Variants in REEP1 observed in about 807,000 individuals in gnomAD.
REEP1 encodes receptor accessory protein 1.
A neutral mutation model predicts 40.3 loss-of-function variants in REEP1; 22 were observed. The ratio of observed to expected loss-of-function variants is 0.55; its 90% CI spans 0.39 to 0.78. The LOEUF is 0.78. REEP1 is among the 30% of genes least tolerant of loss of function. REEP1 has a pLI of 0.00. For missense variants in REEP1, 280 were observed against 361.1 expected (o/e 0.78, Z 1.82); for synonymous variants, 116 against 139.2 (o/e 0.83, Z 1.17).
chr2:86,315,221 C>G (rs1283912402), intron 1 of REEP1, among the ~76,000 whole-genome samples: 1 of 152,190 alleles, frequency 6.6e-6, no homozygotes, highest in Non-Finnish European at 1.5e-5. Context: ...GCTCCAAGGA[C>G]CCTGGGAAGC....
At chr2:86,324,748 C>G (rs1680425243) in intron 1 of REEP1, among the ~76,000 whole-genome samples, 1 of 152,114 alleles carries the variant, frequency 6.6e-6, no homozygotes, top group Admixed American at 6.5e-5. Context: ...GTAGAAGATG[C>G]AACTGTCCTC....
At chr2:86,305,523 TGA>T (rs1679442337) in intron 1 of REEP1, among the ~76,000 whole-genome samples, 1 of 152,176 alleles carries the variant, frequency 6.6e-6, no homozygotes, top group Non-Finnish European at 1.5e-5. Flanking sequence ...CTCTCAAACT[TGA>T]GAGGCATGAA....
chr2:86,251,776 G>A, intron 5 of REEP1, 181 bp downstream of exon 5: 1 of 668,106 alleles, frequency 1.5e-6, no homozygotes, highest in Admixed American at 2.2e-5. Flanking sequence ...TGTGTGTTGG[G>A]GGGTGAGAAT....
intron 1 of REEP1, among the ~76,000 whole-genome samples, chr2:86,319,028 C>T (rs1467711301): frequency 6.6e-6 from 1 of 152,048 alleles, no homozygotes; most frequent in Non-Finnish European, 1.5e-5. Context: ...AAAGCGGAGC[C>T]CCAGAAAGGT....
At chr2:86,336,511 C>T (rs770964182) in intron 1 of REEP1, among the ~76,000 whole-genome samples, 1 of 152,202 alleles carries the variant, frequency 6.6e-6, no homozygotes, top group Non-Finnish European at 1.5e-5. Context: ...TCCCCACACC[C>T]ATTTCAGCCC....
chr2:86,265,943 A>C (rs1387354781), intron 2 of REEP1, among the ~76,000 whole-genome samples: 1 of 152,222 alleles, frequency 6.6e-6, no homozygotes, highest in Non-Finnish European at 1.5e-5. Flanking sequence ...TATAAACACA[A>C]AAAAATAAGA....
At chr2:86,330,414 G>GGTGTGTGTGT (rs55660803) in intron 1 of REEP1, among the ~76,000 whole-genome samples, 1,499 of 127,838 alleles carry the variant, frequency 0.012, 25 homozygotes, top group Middle Eastern at 0.023. Flanking sequence ...AGTGAATCCT[G>GGTGTGTGTGT]GTGTGTGTGT....
upstream of REEP1, chr2:86,337,892 C>T: frequency 1.1e-6 from 1 of 947,276 alleles, no homozygotes; most frequent in Admixed American, 2.3e-5. The surrounding 1 kb of genome is among the most constrained non-coding windows in gnomAD (Gnocchi z 5.8). Flanking sequence ...GACCCGGGTG[C>T]TGCCCCACCC....
At chr2:86,307,616 C>T (rs539459457) in intron 1 of REEP1, among the ~76,000 whole-genome samples, 1 of 152,030 alleles carries the variant, frequency 6.6e-6, no homozygotes, top group African/African-American at 2.4e-5. Flanking sequence ...TAAAAATCAG[C>T]TGGGCGTGGT....
intron 2 of REEP1, among the ~76,000 whole-genome samples, chr2:86,272,628 C>G (rs966803812): frequency 2.0e-5 from 3 of 152,232 alleles, no homozygotes; most frequent in African/African-American, 7.2e-5. Flanking sequence ...ACATTCCTCA[C>G]CTAACACAGG....
chr2:86,331,639 G>A (rs1680769217), intron 1 of REEP1, among the ~76,000 whole-genome samples: 1 of 152,140 alleles, frequency 6.6e-6, no homozygotes, highest in Non-Finnish European at 1.5e-5. Context: ...GGAACAGGAG[G>A]CACCTTTGTC....
intron 1 of REEP1, among the ~76,000 whole-genome samples, chr2:86,309,906 GA>G (rs1679680598): frequency 6.6e-6 from 1 of 152,114 alleles, no homozygotes. Flanking sequence ...CCAGGAGGGG[GA>G]AAATATAATT....
At chr2:86,253,427 T>A (rs1380808231) in intron 4 of REEP1, among the ~76,000 whole-genome samples, 2 of 152,232 alleles carry the variant, frequency 1.3e-5, no homozygotes, top group Non-Finnish European at 2.9e-5. Flanking sequence ...AACCTCCTGC[T>A]GGATTCCCTG....
chr2:86,217,313 G>A (rs1010673217), intron 8 of REEP1, among the ~76,000 whole-genome samples: 1 of 152,182 alleles, frequency 6.6e-6, no homozygotes, highest in Admixed American at 6.5e-5. Context: ...TGAGCCCTTT[G>A]AGAGGCTGAT....
chr2:86,234,719 A>C (rs148218945), intron 5 of REEP1, among the ~76,000 whole-genome samples: 2 of 152,208 alleles, frequency 1.3e-5, no homozygotes, highest in Non-Finnish European at 2.9e-5. Context: ...AAAAAGACAG[A>C]AATCACCCTG....
At chr2:86,220,959 C>T (rs1674391247) in intron 7 of REEP1, among the ~76,000 whole-genome samples, 1 of 152,166 alleles carries the variant, frequency 6.6e-6, no homozygotes, top group South Asian at 2.1e-4. Context: ...ATCTTCTGCC[C>T]CTACCCAGCT....
chr2:86,245,681 C>T (rs572184108), intron 5 of REEP1, among the ~76,000 whole-genome samples: 1 of 152,234 alleles, frequency 6.6e-6, no homozygotes, highest in South Asian at 2.1e-4. Context: ...GAACTCTTAA[C>T]CTGTCTCTTC....
chr2:86,309,855 G>T lies in REEP1; in HGVS notation c.33-27613C>A, dbSNP rs550656972. Among the ~76,000 whole-genome samples the T allele has an allele frequency of 1.1e-4, 17 of 152,168 alleles. No individual in the cohort carries two copies. The South Asian group carries it at 2.7e-3, about 24-fold the overall frequency. On this transcript the variant is annotated intron_variant, in intron 1 of 8. Transcript: ENST00000538924. ...AATCAGAACTTCAAAATACGAATTT[G>T]GGGGGGCAATTGGCTGCCTCTGAAT...
At chr2:86,219,739 C>T (rs1449561780) in intron 8 of REEP1, among the ~76,000 whole-genome samples, 1 of 152,180 alleles carries the variant, frequency 6.6e-6, no homozygotes, top group African/African-American at 2.4e-5. Flanking sequence ...AGCCACTGCA[C>T]CCGGCTCACG....
Sources: gnomAD v4.1 joint callset for allele counts (sites outside exome capture counted in the v4.1 genomes callset) on GRCh38, gnomAD v4.1.1 for gene constraint, Gnocchi (gnomAD v3.1) non-coding constraint, MANE v1.5 for transcripts, NCBI Gene and HGNC (gene_info 2026-07-23, HGNC 2026-07-21) for gene names.